CDC73: variants seen among roughly 807,000 people sequenced by gnomAD.
CDC73 encodes parafibromin.
CDC73 carries 21 observed loss-of-function variants against 83.7 expected under a neutral mutation model. The observed-to-expected ratio is 0.25, with a 90% CI of 0.18 to 0.36. The LOEUF is 0.36. Ranked by LOEUF, CDC73 falls within the 10% of genes least tolerant of loss-of-function variation. The probability of loss-of-function intolerance (pLI) is 1.00; values close to 1 mark genes in which losing one functional copy is unlikely to be tolerated. For synonymous variants in CDC73, 224 were observed against 212.9 expected, an observed-to-expected ratio of 1.05 and a Z score of -0.45; for missense variants, 342 against 653.3, an observed-to-expected ratio of 0.52 and a Z score of 5.19.
intron 10 of CDC73, among the ~76,000 whole-genome samples, chr1:193,183,951 T>G (rs1435212363): frequency 6.6e-6 from 1 of 151,788 alleles, no homozygotes; most frequent in Non-Finnish European, 1.5e-5. Context: ...AGTAAATAAA[T>G]GATGGAAAAT....
chr1:193,154,506 C>T (rs1348274854), intron 10 of CDC73, among the ~76,000 whole-genome samples: 1 of 152,042 alleles, frequency 6.6e-6, no homozygotes. Context: ...CTGAAGTATA[C>T]TGAAAAGAGA....
chr1:193,173,055 A>G (rs1343870966), intron 10 of CDC73, among the ~76,000 whole-genome samples: 5 of 152,272 alleles, frequency 3.3e-5, no homozygotes, highest in South Asian at 2.1e-4. Context: ...CCCTGGTTAC[A>G]TTGCACACTC....
chr1:193,200,647 T>C (rs1315663801), intron 10 of CDC73, among the ~76,000 whole-genome samples: 4 of 152,214 alleles, frequency 2.6e-5, no homozygotes, highest in Non-Finnish European at 5.9e-5. Flanking sequence ...TGCCGATACC[T>C]TTCTTTTCCC....
intron 10 of CDC73, among the ~76,000 whole-genome samples, chr1:193,175,192 C>T (rs928233317): frequency 2.6e-5 from 4 of 152,002 alleles, no homozygotes; most frequent in East Asian, 1.9e-4. Context: ...GCATGCCTAG[C>T]TTTGTGTTTT....
intron 11 of CDC73, among the ~76,000 whole-genome samples, chr1:193,211,074 A>T (rs1226360912): frequency 6.6e-6 from 1 of 152,134 alleles, no homozygotes; most frequent in African/African-American, 2.4e-5. Context: ...TTTTTGCTAG[A>T]CCTGAACATC....
intron 10 of CDC73, among the ~76,000 whole-genome samples, chr1:193,176,000 A>AT (rs896628123): frequency 1.9e-4 from 29 of 151,492 alleles, no homozygotes; most frequent in Non-Finnish European, 3.5e-4. Flanking sequence ...GATTGTAGTT[A>AT]TTTTTTTTTC....
In CDC73 at chr1:193,233,034, G is replaced by A. The variant is rs1223664442; in HGVS notation, c.1196G>A (p.Arg399Gln). The A allele has an allele frequency of 4.3e-6, 7 of 1,613,754 alleles. No individual in the cohort carries two copies. The highest frequency in any genetic ancestry group is 5.9e-6 in the Non-Finnish European group (7 of 1,179,750). ...GAAAAGAAGAAACAAGGTTGTCAAC[G>A]AGAAAATGAAACTCTAATACAAAGA... is the stretch of plus-strand genomic sequence containing the variant. ...SDEKKKQGCQ[R>Q]ENETLIQRRK... Residue 399 changes from arginine to glutamine, a missense_variant, in exon 14 of 17, where the codon CGA becomes CAA. This residue lies in a region of CDC73 where 239 missense variants were observed against 420.6 expected (regional missense o/e 0.57). Transcript: ENST00000367435.
intron 13 of CDC73, among the ~76,000 whole-genome samples, chr1:193,221,430 C>T (rs1460651301): frequency 6.6e-6 from 1 of 150,946 alleles, no homozygotes; most frequent in African/African-American, 2.4e-5. Flanking sequence ...ATTTTTTTAA[C>T]CAATTTTATG....
intron 2 of CDC73, among the ~76,000 whole-genome samples, chr1:193,128,857 T>G (rs1281830947): frequency 6.6e-6 from 1 of 152,148 alleles, no homozygotes; most frequent in Non-Finnish European, 1.5e-5. Context: ...GTTACACATA[T>G]AAAGTGACAA....
At chr1:193,210,628 T>A (rs1469349916) in intron 11 of CDC73, among the ~76,000 whole-genome samples, 3 of 152,098 alleles carry the variant, frequency 2.0e-5, no homozygotes, top group Admixed American at 6.5e-5. Flanking sequence ...GTGGCTCACC[T>A]GTGTAATCCC....
chr1:193,183,301 G>A (rs918171539), intron 10 of CDC73, among the ~76,000 whole-genome samples: 1 of 151,196 alleles, frequency 6.6e-6, no homozygotes, highest in Non-Finnish European at 1.5e-5. Flanking sequence ...GAAATTTCTA[G>A]TTTCTGAGAT....
chr1:193,166,837 G>A (rs567302256), intron 10 of CDC73, among the ~76,000 whole-genome samples: 40 of 151,902 alleles, frequency 2.6e-4, no homozygotes, highest in African/African-American at 9.4e-4. Context: ...GCAGAGACGG[G>A]GTTTCTCCGT....
chr1:193,240,161 A>G (rs1677834140), intron 15 of CDC73, among the ~76,000 whole-genome samples: 1 of 152,152 alleles, frequency 6.6e-6, no homozygotes, highest in Non-Finnish European at 1.5e-5. Context: ...ATGACCTTCC[A>G]GTTCTGTCCA....
rs979797861 is a variant in CDC73 at position 193,176,258 on chromosome 1, C to T, written c.972+23814C>T. 2.6e-5 allele frequency among the ~76,000 whole-genome samples: 4 copies of T among 152,248 alleles called. No individual in the cohort carries two copies. The South Asian group carries it at 6.2e-4, about 24-fold the overall frequency. ...ACCCTAGGAACATAGGCCCCTAAACCGTTTCCCTGATCTTTTCCCAGTAAT... is the reference window on the plus strand; with the variant it reads ...ACCCTAGGAACATAGGCCCCTAAACTGTTTCCCTGATCTTTTCCCAGTAAT... On this transcript the variant is annotated intron_variant, in intron 10 of 16. Transcript: ENST00000367435.
intron 10 of CDC73, among the ~76,000 whole-genome samples, chr1:193,164,417 C>G (rs750216167): frequency 1.3e-5 from 2 of 152,108 alleles, no homozygotes; most frequent in Non-Finnish European, 2.9e-5. Context: ...GAAACTGATT[C>G]ATTTTAATTA....
intron 10 of CDC73, among the ~76,000 whole-genome samples, chr1:193,183,572 G>C (rs994595445): frequency 4.0e-5 from 6 of 151,054 alleles, no homozygotes; most frequent in Non-Finnish European, 7.4e-5. Context: ...GAAACTCAGT[G>C]TTTTCCTTCT....
At chr1:193,166,276 T>C (rs1416586147) in intron 10 of CDC73, among the ~76,000 whole-genome samples, 1 of 152,084 alleles carries the variant, frequency 6.6e-6, no homozygotes, top group Non-Finnish European at 1.5e-5. Context: ...CAATCACTGC[T>C]CCCACCTCAG....
chr1:193,201,767 T>C (rs1285719867), intron 10 of CDC73, among the ~76,000 whole-genome samples: 1 of 152,210 alleles, frequency 6.6e-6, no homozygotes, highest in African/African-American at 2.4e-5. Flanking sequence ...TTACATATGC[T>C]TATACCTTTT....
At chr1:193,132,351 G>C (rs1312715950) in intron 3 of CDC73, among the ~76,000 whole-genome samples, 1 of 152,148 alleles carries the variant, frequency 6.6e-6, no homozygotes, top group Non-Finnish European at 1.5e-5. Context: ...CCAAATCCCT[G>C]TCTTAAACAT....
Sources: gnomAD v4.1 joint callset for allele counts (sites outside exome capture counted in the v4.1 genomes callset) on GRCh38, gnomAD v4.1.1 for gene constraint, gnomAD v4.1.1 regional missense constraint, MANE v1.5 for transcripts, NCBI Gene and HGNC (gene_info 2026-07-23, HGNC 2026-07-21) for gene names.